Variants in KHDRBS2 observed in about 807,000 individuals in gnomAD.
KHDRBS2 encodes KH RNA binding domain containing, signal transduction associated 2.
A neutral mutation model predicts 44.3 loss-of-function variants in KHDRBS2; 26 were observed. The ratio of observed to expected loss-of-function variants is 0.59; its 90% CI spans 0.43 to 0.81. The LOEUF is 0.81. KHDRBS2 is among the 40% of genes least tolerant of loss of function. KHDRBS2 has a pLI of 0.00. For missense variants in KHDRBS2, 476 were observed against 433.1 expected, an observed-to-expected ratio of 1.10 and a Z score of -0.88; for synonymous variants, 194 against 151.1, an observed-to-expected ratio of 1.28 and a Z score of -2.08.
intron 4 of KHDRBS2, among the ~76,000 whole-genome samples, chr6:61,967,957 T>TATATATATATAC (rs1228663590): frequency 2.2e-4 from 16 of 73,582 alleles, no homozygotes; most frequent in African/African-American, 7.0e-4. Flanking sequence ...TATATATATA[T>TATATATATATAC]ACACACACAC....
At chr6:62,252,515 A>G (rs1836720745) in intron 1 of KHDRBS2, among the ~76,000 whole-genome samples, 2 of 152,032 alleles carry the variant, frequency 1.3e-5, no homozygotes, top group South Asian at 4.1e-4. Flanking sequence ...ATTTCCAACC[A>G]AACAGATTAT....
At chr6:62,267,434 T>A (rs114664781) in intron 1 of KHDRBS2, among the ~76,000 whole-genome samples, 1,710 of 152,118 alleles carry the variant, frequency 0.011, 33 homozygotes, top group African/African-American at 0.039. Context: ...CTCTGAGCCA[T>A]TTGGCTGCAG....
chr6:62,065,286 T>A (rs1439443026), intron 2 of KHDRBS2, among the ~76,000 whole-genome samples: 5 of 152,150 alleles, frequency 3.3e-5, no homozygotes, highest in African/African-American at 1.2e-4. Flanking sequence ...TTACTGGGTA[T>A]ATACCCAAAT....
intron 6 of KHDRBS2, among the ~76,000 whole-genome samples, chr6:61,746,825 C>T (rs1562083172): frequency 1.3e-5 from 2 of 151,976 alleles, no homozygotes; most frequent in Non-Finnish European, 2.9e-5. Context: ...TGGGTAAAGA[C>T]TTCATGACTA....
Position 61,680,949 on chromosome 6 carries a change from G to A in KHDRBS2, c.*14C>T. 6.4e-7 allele frequency: 1 copy of A among 1,555,948 alleles called. No individual in the cohort carries two copies. Among genetic ancestry groups the A allele is most frequent in the Admixed American group, 1.7e-5 (1 of 58,788 alleles). The stretch of plus-strand genomic sequence containing the variant: ...GAATTGTCTTTGAGGTGAGGTCACA[G>A]GTGGGAAGGACCTTCAATATCTACC... On this transcript the variant is annotated 3_prime_UTR_variant, in exon 9 of 9. Coordinates refer to ENST00000281156, the MANE Select transcript of KHDRBS2 (RefSeq NM_152688.4).
chr6:62,189,338 A>AT (rs922314800), intron 1 of KHDRBS2, among the ~76,000 whole-genome samples: 53 of 151,582 alleles, frequency 3.5e-4, no homozygotes, highest in African/African-American at 1.2e-3. Context: ...TTTTTTTTAA[A>AT]TTTTTTATTT....
At position 61,788,424 on chromosome 6, in the gene KHDRBS2, G is replaced by C. The variant is rs140114727; in HGVS notation, c.811-55660C>G. On this transcript the variant is annotated intron_variant, in intron 6 of 8. Transcript: ENST00000281156. ...GAGAATAGGTTTTCTTCCAGCTGGG[G>C]TTCTAATGTTGCTTTATTTTATCAT... 8.6e-5 allele frequency among the ~76,000 whole-genome samples: 13 copies of C among 151,466 alleles called. No individual in the cohort carries two copies. In the South Asian group the frequency reaches 1.9e-3, roughly 22 times the overall value.
chr6:61,749,812 A>G (rs1412394562), intron 6 of KHDRBS2, among the ~76,000 whole-genome samples: 1 of 152,158 alleles, frequency 6.6e-6, no homozygotes, highest in Non-Finnish European at 1.5e-5. Context: ...ATACTTCTTG[A>G]CTCTGCACAT....
At chr6:61,703,736 T>A (rs529580855) in intron 7 of KHDRBS2, among the ~76,000 whole-genome samples, 1 of 151,948 alleles carries the variant, frequency 6.6e-6, no homozygotes, top group African/African-American at 2.4e-5. Flanking sequence ...TGTAGATATA[T>A]CAACTCTCAC....
chr6:62,144,777 G>A (rs189551294), intron 2 of KHDRBS2, among the ~76,000 whole-genome samples: 99 of 152,070 alleles, frequency 6.5e-4, no homozygotes, highest in African/African-American at 2.3e-3. Context: ...TGCAAGGTAC[G>A]TGAAAGATCT....
At chr6:61,712,790 CT>C (rs1321724013) in intron 7 of KHDRBS2, among the ~76,000 whole-genome samples, 1 of 151,722 alleles carries the variant, frequency 6.6e-6, no homozygotes, top group Non-Finnish European at 1.5e-5. Context: ...AACGTTCTAC[CT>C]TTAGATATGG....
At chr6:62,056,254 A>G (rs1264048928) in intron 2 of KHDRBS2, among the ~76,000 whole-genome samples, 3 of 152,014 alleles carry the variant, frequency 2.0e-5, no homozygotes, top group African/African-American at 7.2e-5. Flanking sequence ...AATTACTCAT[A>G]ACTATATAAA....
At chr6:62,243,990 T>C (rs1427770439) in intron 1 of KHDRBS2, among the ~76,000 whole-genome samples, 1 of 152,186 alleles carries the variant, frequency 6.6e-6, no homozygotes, top group African/African-American at 2.4e-5. Context: ...TTTTCCTCTT[T>C]AATCAATTAG....
chr6:61,831,678 G>T (rs894551544), intron 6 of KHDRBS2, among the ~76,000 whole-genome samples: 2 of 151,966 alleles, frequency 1.3e-5, no homozygotes, highest in Non-Finnish European at 2.9e-5. Context: ...ATGATCAATA[G>T]ATTTATCTAA....
At chr6:61,998,643 T>C (rs548762929) in intron 3 of KHDRBS2, among the ~76,000 whole-genome samples, 3 of 152,242 alleles carry the variant, frequency 2.0e-5, no homozygotes, top group South Asian at 4.1e-4. Context: ...TTCTGGCATA[T>C]ATTTTTAGTA....
chr6:61,659,971 G>A, the KHDRBS2 span, among the ~76,000 whole-genome samples: 6 of 151,756 alleles, frequency 4.0e-5, no homozygotes, highest in Non-Finnish European at 8.8e-5. Flanking sequence ...AGCACTCAAA[G>A]TCTCTGACAA....
chr6:61,987,406 C>G (rs1395763227), intron 3 of KHDRBS2, among the ~76,000 whole-genome samples: 1 of 152,130 alleles, frequency 6.6e-6, no homozygotes, highest in Non-Finnish European at 1.5e-5. Flanking sequence ...TACTGTATAT[C>G]CAAGTTTTGT....
At chr6:61,852,519 G>A (rs904276436) in intron 6 of KHDRBS2, among the ~76,000 whole-genome samples, 7 of 146,732 alleles carry the variant, frequency 4.8e-5, no homozygotes, top group East Asian at 2.0e-4. Context: ...AGACGAGATC[G>A]CACCACTGCA....
intron 2 of KHDRBS2, among the ~76,000 whole-genome samples, chr6:62,107,225 G>C (rs1406524614): frequency 1.3e-5 from 2 of 152,062 alleles, no homozygotes; most frequent in African/African-American, 4.8e-5. Context: ...TCCTTAAGCT[G>C]ATAAGCAACT....
Sources: gnomAD v4.1 joint callset for allele counts (sites outside exome capture counted in the v4.1 genomes callset) on GRCh38, gnomAD v4.1.1 for gene constraint, MANE v1.5 for transcripts, NCBI Gene and HGNC (gene_info 2026-07-23, HGNC 2026-07-21) for gene names.